Variants in SKOR2 observed in about 807,000 individuals in gnomAD.
SKOR2 encodes SKI family transcriptional corepressor 2, also known as LBX1 corepressor 1-like protein.
Under a neutral mutation model 69.1 loss-of-function variants are expected in SKOR2, and 47 were observed. The ratio of observed to expected loss-of-function variants is 0.68; its 90% CI spans 0.54 to 0.87. The LOEUF is 0.87. SKOR2 is among the 40% of genes least tolerant of loss of function. The pLI, the probability that SKOR2 is intolerant of heterozygous loss-of-function variation, is 0.00. For missense variants in SKOR2, 1,404 were observed against 1,472.2 expected (o/e 0.95, Z 0.76); for synonymous variants, 717 against 672.6 (o/e 1.07, Z -1.02).
intron 7 of SKOR2, among the ~76,000 whole-genome samples, chr18:47,212,889 A>C (rs958623251): frequency 6.6e-6 from 1 of 152,164 alleles, no homozygotes; most frequent in Non-Finnish European, 1.5e-5. Flanking sequence ...GCTTGAGCCC[A>C]GAAGGTCAAG....
intron 4 of SKOR2, among the ~76,000 whole-genome samples, chr18:47,244,422 A>C (rs1181327907): frequency 6.6e-6 from 1 of 152,078 alleles, no homozygotes; most frequent in African/African-American, 2.4e-5. Context: ...TCTTTCCCAA[A>C]CCCCTTGGAG....
Position 47,207,208 on chromosome 18 carries a change from T to C in SKOR2, c.*4-316A>G, listed in dbSNP as rs543887906. On this transcript the variant is annotated intron_variant, in intron 8 of 8. Transcript: ENST00000425639. ...TGCTCTGGTGCTCTGCTGGTTTTGA[T>C]TGGATGGCCCAAGTTACGTTTATTT... Among the ~76,000 whole-genome samples the C allele has an allele frequency of 2.6e-5, 4 of 152,254 alleles. No homozygotes were observed. The South Asian group carries it at 6.2e-4, about 24-fold the overall frequency.
At position 47,232,660 on chromosome 18, in the gene SKOR2, C is replaced by T. The variant is rs1027545652; in HGVS notation, c.2753-1660G>A. 3.3e-5 allele frequency among the ~76,000 whole-genome samples: 5 copies of T among 152,190 alleles called. No homozygotes were observed. In the East Asian group the frequency reaches 5.8e-4, roughly 18 times the overall value. ...AGTCAGTGGGCCATGTGTTACTTGG[C>T]GGCAGAGGTTAGGTATGGCCAGTGC... On this transcript the variant is annotated intron_variant, in intron 4 of 8. Transcript: ENST00000425639.
intron 6 of SKOR2, among the ~76,000 whole-genome samples, chr18:47,225,814 C>T (rs140266963): frequency 1.3e-5 from 2 of 151,942 alleles, no homozygotes; most frequent in Non-Finnish European, 1.5e-5. Context: ...AGTGGTCTGC[C>T]AGGTAACTGG....
intron 4 of SKOR2, among the ~76,000 whole-genome samples, chr18:47,238,185 GT>G (rs1600042117): frequency 6.6e-6 from 1 of 152,116 alleles, no homozygotes; most frequent in East Asian, 1.9e-4. Flanking sequence ...TGGAGAAAAT[GT>G]TTTGTTTTGA....
At chr18:47,228,972 A>G (rs955963398) in intron 6 of SKOR2, among the ~76,000 whole-genome samples, 8 of 152,200 alleles carry the variant, frequency 5.3e-5, no homozygotes, top group Non-Finnish European at 7.3e-5. Context: ...GAGAGGACAC[A>G]CTTTGCAGAC....
chr18:47,206,391 A>G lies in SKOR2; in HGVS notation c.*505T>C, dbSNP rs929515402. 6.6e-6 allele frequency: 1 copy of G among 152,214 alleles called. No individual in the cohort carries two copies. Among genetic ancestry groups the G allele is most frequent in the Non-Finnish European group, 1.5e-5 (1 of 68,044 alleles). The allele number at this position is 152,214 out of a possible 1,614,324, so 9.4% of individuals were successfully genotyped here. A position where few individuals can be genotyped will look rare whatever the true frequency, so the allele number is the denominator to read the frequency against. Reference sequence around the variant, plus strand: ...GTCTGTCCAGTTTGCTATGAAAAGCAGGTTTGTACGGCTGGTGCCTTCCCA... The same window carrying G: ...GTCTGTCCAGTTTGCTATGAAAAGCGGGTTTGTACGGCTGGTGCCTTCCCA... On this transcript the variant is annotated 3_prime_UTR_variant, in exon 9 of 9. Transcript: ENST00000425639.
At chr18:47,233,213 C>T (rs1168458747) in intron 4 of SKOR2, among the ~76,000 whole-genome samples, 1 of 152,168 alleles carries the variant, frequency 6.6e-6, no homozygotes, top group Admixed American at 6.5e-5. Flanking sequence ...TTCCTATAGC[C>T]TCATTCTCAT....
Position 47,247,069 on chromosome 18 carries a change from GGGCGGCGGGGGCGGCGGC to G in SKOR2, c.2097_2114del (p.Pro701_Pro706del). On this transcript the variant is annotated inframe_deletion, in exon 2 of 9. Transcript: ENST00000425639. This position sits in a 1 kb window ranked among gnomAD's most constrained non-coding sequence, Gnocchi z 6.6. ...GGTGGTGCGGGTGCTGGGCCAGAGG[GGGCGGCGGGGGCGGCGGC>G]GGCGGCGGCGGCGGGGCCGGGTGGT... 7.2e-7 allele frequency: 1 copy of G among 1,390,976 alleles called. No individual in the cohort carries two copies. Among genetic ancestry groups the G allele is most frequent in the Non-Finnish European group, 9.3e-7 (1 of 1,075,914 alleles). 86.2% of individuals were successfully genotyped at this position (1,390,976 alleles called of 1,614,324 possible).
At chr18:47,215,077 A>G (rs1338604434) in intron 7 of SKOR2, among the ~76,000 whole-genome samples, 1 of 152,166 alleles carries the variant, frequency 6.6e-6, no homozygotes, top group Non-Finnish European at 1.5e-5. Context: ...TCTCAAAAAG[A>G]GAAAGATGAG....
At position 47,247,555 on chromosome 18, in the gene SKOR2, G is replaced by A; in HGVS notation, c.1629C>T (p.Gly543=). The A allele has an allele frequency of 2.4e-6, 3 of 1,230,882 alleles. No homozygotes were observed. The highest frequency in any genetic ancestry group is 3.0e-6 in the Non-Finnish European group (3 of 987,596). The allele number at this position is 1,230,882 out of a possible 1,614,324, so 76.2% of individuals were successfully genotyped here. A position where few individuals can be genotyped will look rare whatever the true frequency, so the allele number is the denominator to read the frequency against. The change falls in exon 2 of 9, where the codon GGC becomes GGT. Residue 543 remains glycine, a synonymous_variant. Coordinates refer to ENST00000425639, the MANE Select transcript of SKOR2 (RefSeq NM_001278063.4). The surrounding 1 kb of genome is among the most constrained non-coding windows in gnomAD (Gnocchi z 6.6). ...PQVVANGPGS[G]PPPPAGGAGS... ...CGGCGCCCCCGGCAGGAGGAGGTGGGCCGGAGCCCGGGCCGTTGGCCACTA... is the reference window on the plus strand; with the variant it reads ...CGGCGCCCCCGGCAGGAGGAGGTGGACCGGAGCCCGGGCCGTTGGCCACTA...
Position 47,247,975 on chromosome 18 carries a change from C to T in SKOR2, c.1209G>A (p.Gly403=). The change falls in exon 2 of 9, where the codon GGG becomes GGA. Residue 403 remains glycine (G), a synonymous_variant. Coordinates refer to ENST00000425639, the MANE Select transcript of SKOR2 (RefSeq NM_001278063.4). This position sits in a 1 kb window ranked among gnomAD's most constrained non-coding sequence, Gnocchi z 6.6. The stretch of plus-strand genomic sequence containing the variant: ...GGAAGGTGTAGGGGTGCGGGAAGAG[C>T]CCGCCGCAGCCCGGGAACTTCTGCA... ...GVLQKFPGCG[G]LFPHPYTFPA... is the part of the protein sequence containing the mutation. 1 of 1,380,940 alleles carries T rather than the reference C, an allele frequency of 7.2e-7. No individual in the cohort carries two copies. The highest frequency in any genetic ancestry group is 9.3e-7 in the Non-Finnish European group (1 of 1,072,108). The allele number at this position is 1,380,940 out of a possible 1,614,324, so 85.5% of individuals were successfully genotyped here. A position where few individuals can be genotyped will look rare whatever the true frequency, so the allele number is the denominator to read the frequency against.
At chr18:47,224,403 A>G (rs2064171762) in intron 6 of SKOR2, among the ~76,000 whole-genome samples, 2 of 152,200 alleles carry the variant, frequency 1.3e-5, no homozygotes, top group South Asian at 4.1e-4. Flanking sequence ...GCACACTGCA[A>G]ACTCAGACAG....
intron 7 of SKOR2, among the ~76,000 whole-genome samples, chr18:47,215,561 C>A (rs1164417345): frequency 6.6e-6 from 1 of 152,136 alleles, no homozygotes; most frequent in Non-Finnish European, 1.5e-5. Flanking sequence ...TGTGACGATG[C>A]ACTGCACTCC....
At chr18:47,241,622 A>C (rs1258936563) in intron 4 of SKOR2, among the ~76,000 whole-genome samples, 1 of 138,714 alleles carries the variant, frequency 7.2e-6, no homozygotes, top group Non-Finnish European at 1.6e-5. Context: ...CAAAAAACAA[A>C]AAACAAACAA....
Position 47,244,940 on chromosome 18 carries a change from G to A in SKOR2, c.2720C>T (p.Ala907Val), listed in dbSNP as rs535253171. The change falls in exon 4 of 9, where the codon GCT becomes GTT. Residue 907 changes from alanine to valine, a missense_variant. Coordinates refer to ENST00000425639, the MANE Select transcript of SKOR2 (RefSeq NM_001278063.4). ...TTCTCTCCAAAAATCTCCTCCAGAA[G>A]CATCAGAGTCTGTGATGAAAAAGCT... ...EHSFFITDSDASGGDFWRERS... is the reference protein window; with the variant it reads ...EHSFFITDSDVSGGDFWRERS... 2 of 1,535,750 alleles carry A rather than the reference G, an allele frequency of 1.3e-6. No homozygotes were observed. Among genetic ancestry groups the A allele is most frequent in the African/African-American group, 1.4e-5 (1 of 73,092 alleles).
At chr18:47,230,350 CT>C (rs2064192882) in intron 6 of SKOR2, 108 bp downstream of exon 6, 3 of 631,640 alleles carry the variant, frequency 4.7e-6, no homozygotes, top group African/African-American at 3.8e-5. Flanking sequence ...CATGGGAAGA[CT>C]GTGTGTGTTT....
chr18:47,246,918 C>T lies in SKOR2; in HGVS notation c.2266G>A (p.Glu756Lys), dbSNP rs773023524. 3 of 1,495,004 alleles carry T rather than the reference C, an allele frequency of 2.0e-6. No individual in the cohort carries two copies. The highest frequency in any genetic ancestry group is 2.5e-5 in the South Asian group (2 of 79,242). The allele number at this position is 1,495,004 out of a possible 1,614,324, so 92.6% of individuals were successfully genotyped here. Residue 756 changes from glutamate to lysine, a missense_variant, in exon 2 of 9, where the codon GAA (glutamate) becomes AAA (lysine). By Grantham distance (56) the Glu-to-Lys change is moderately conservative (BLOSUM62 1). This residue lies in a region of SKOR2 where 1,266 missense variants were observed against 1,309.9 expected (regional missense o/e 0.97). Coordinates refer to ENST00000425639, the MANE Select transcript of SKOR2 (RefSeq NM_001278063.4). ...VEGHKPPEGE[E>K]EEEGRDPDDD... ...TCAGGGTCTCGACCTTCCTCCTCTT[C>T]CTCGCCCTCGGGGGGCTTGTGGCCC...
intron 4 of SKOR2, among the ~76,000 whole-genome samples, chr18:47,234,824 G>C (rs1242402515): frequency 7.3e-6 from 1 of 136,650 alleles, no homozygotes; most frequent in Non-Finnish European, 1.5e-5. Context: ...TCACGCCACT[G>C]CATTCTAGTC....
Sources: allele counts gnomAD v4.1 joint callset (sites outside exome capture counted in the v4.1 genomes callset), GRCh38; gene constraint gnomAD v4.1.1; regional missense constraint gnomAD v4.1.1; non-coding constraint Gnocchi (gnomAD v3.1); transcripts MANE v1.5; gene names NCBI Gene and HGNC (gene_info 2026-07-23, HGNC 2026-07-21).